PLCL1: variants seen among roughly 807,000 people sequenced by gnomAD.
The protein encoded by PLCL1 is phospholipase C like 1 (inactive), also known as inactive phospholipase C-like protein 1.
Under a neutral mutation model 84.4 loss-of-function variants are expected in PLCL1, and 41 were observed. That is an observed-to-expected ratio of 0.49 (90% confidence interval 0.38 to 0.63). The LOEUF is 0.63. PLCL1 is among the 30% of genes least tolerant of loss of function. The probability of loss-of-function intolerance (pLI) is 0.00; values close to 1 mark genes in which losing one functional copy is unlikely to be tolerated. For synonymous variants in PLCL1, 490 were observed against 488.3 expected, an observed-to-expected ratio of 1.00 and a Z score of -0.05; for missense variants, 1,206 against 1,367.8, an observed-to-expected ratio of 0.88 and a Z score of 1.87.
At chr2:197,951,362 C>G (rs889018235) in intron 1 of PLCL1, among the ~76,000 whole-genome samples, 2 of 152,090 alleles carry the variant, frequency 1.3e-5, no homozygotes, top group Non-Finnish European at 2.9e-5. Flanking sequence ...CTGCTCTTTC[C>G]CTGCTTCCAT....
At chr2:197,924,649 A>G (rs1011457163) in intron 1 of PLCL1, among the ~76,000 whole-genome samples, 1 of 151,932 alleles carries the variant, frequency 6.6e-6, no homozygotes, top group African/African-American at 2.4e-5. Flanking sequence ...CACAGGGTCG[A>G]GACCGGCTCC....
At chr2:198,129,183 A>G (rs1339592226) in intron 5 of PLCL1, among the ~76,000 whole-genome samples, 1 of 152,200 alleles carries the variant, frequency 6.6e-6, no homozygotes, top group Non-Finnish European at 1.5e-5. Flanking sequence ...TACCTCCTTT[A>G]GAGAAGCCCC....
intron 1 of PLCL1, among the ~76,000 whole-genome samples, chr2:197,915,951 C>T (rs1279074560): frequency 6.6e-6 from 1 of 152,164 alleles, no homozygotes; most frequent in African/African-American, 2.4e-5. Flanking sequence ...TAGCATCAGA[C>T]AATATACCAG....
intron 1 of PLCL1, among the ~76,000 whole-genome samples, chr2:198,036,022 G>C (rs1323276617): frequency 1.3e-5 from 2 of 152,188 alleles, no homozygotes; most frequent in African/African-American, 4.8e-5. Context: ...GGGCAACAGA[G>C]CCAGACTCTG....
chr2:198,031,757 T>A (rs1222163236), intron 1 of PLCL1, among the ~76,000 whole-genome samples: 1 of 151,834 alleles, frequency 6.6e-6, no homozygotes, highest in African/African-American at 2.4e-5. Flanking sequence ...CCCTATTGAG[T>A]TGGATGCTCT....
At chr2:197,900,808 T>G (rs758975738) in intron 1 of PLCL1, among the ~76,000 whole-genome samples, 13 of 152,196 alleles carry the variant, frequency 8.5e-5, no homozygotes, top group Non-Finnish European at 1.6e-4. Context: ...AGCAGTAAAA[T>G]CTAAGGGCTT....
chr2:197,836,601 T>A (rs1177444016), intron 1 of PLCL1, among the ~76,000 whole-genome samples: 1 of 152,218 alleles, frequency 6.6e-6, no homozygotes, highest in Non-Finnish European at 1.5e-5. Context: ...GTCTTCTGTA[T>A]TCCAGGAGTC....
intron 3 of PLCL1, among the ~76,000 whole-genome samples, chr2:198,098,060 G>A (rs3771361): frequency 0.6 from 91,056 of 152,012 alleles, 27,915 homozygotes; most frequent in East Asian, 0.81. Context: ...AGTTTAATAA[G>A]AGTCATCTTG....
At chr2:198,068,258 A>G (rs1269990544) in intron 1 of PLCL1, among the ~76,000 whole-genome samples, 1 of 152,240 alleles carries the variant, frequency 6.6e-6, no homozygotes, top group Non-Finnish European at 1.5e-5. Context: ...TCACTATACC[A>G]GTTCTACAGA....
chr2:197,884,551 A>G (rs748287964), intron 1 of PLCL1, among the ~76,000 whole-genome samples: 5 of 152,172 alleles, frequency 3.3e-5, no homozygotes, highest in Non-Finnish European at 5.9e-5. Context: ...GTCAGCCAGG[A>G]ATCTCAGACA....
At chr2:197,828,665 C>T (rs944982991) in intron 1 of PLCL1, among the ~76,000 whole-genome samples, 1 of 152,044 alleles carries the variant, frequency 6.6e-6, no homozygotes, top group South Asian at 2.1e-4. Context: ...CTTATGTGGG[C>T]AGAAACTTGA....
chr2:198,045,600 A>G (rs1434090582), intron 1 of PLCL1, among the ~76,000 whole-genome samples: 1 of 152,238 alleles, frequency 6.6e-6, no homozygotes, highest in Non-Finnish European at 1.5e-5. Context: ...TATATTTAAT[A>G]TAAGCACTTG....
chr2:197,931,468 A>T lies in PLCL1; in HGVS notation c.240+126129A>T, dbSNP rs1453169788. Among the ~76,000 whole-genome samples, 2 of 152,198 alleles carry T rather than the reference A, an allele frequency of 1.3e-5. 1 individual carries two copies. The highest frequency in any genetic ancestry group is 2.9e-5 in the Non-Finnish European group (2 of 68,044). On this transcript the variant is annotated intron_variant, in intron 1 of 5. Transcript: ENST00000428675. Reference sequence around the variant, plus strand: ...TCTACACCGGCTGATCTTCAATTAAATTATTCATTTCTGCATGCAAATTCC... The same window carrying T: ...TCTACACCGGCTGATCTTCAATTAATTTATTCATTTCTGCATGCAAATTCC...
At chr2:198,145,427 A>C (rs1694495929) in intron 5 of PLCL1, among the ~76,000 whole-genome samples, 1 of 152,190 alleles carries the variant, frequency 6.6e-6, no homozygotes, top group Admixed American at 6.5e-5. Flanking sequence ...CAAAGGCCTG[A>C]ACTTTAGTCC....
intron 1 of PLCL1, among the ~76,000 whole-genome samples, chr2:198,044,315 A>G (rs1445898983): frequency 6.6e-6 from 1 of 152,114 alleles, no homozygotes; most frequent in Non-Finnish European, 1.5e-5. Flanking sequence ...GGCTTCTCCT[A>G]GTGATTTCCA....
At chr2:197,937,730 T>G (rs1215941519) in intron 1 of PLCL1, among the ~76,000 whole-genome samples, 5 of 152,180 alleles carry the variant, frequency 3.3e-5, no homozygotes. Context: ...AAACATAAAC[T>G]ATACACAGCT....
intron 1 of PLCL1, among the ~76,000 whole-genome samples, chr2:198,071,201 A>T (rs1692457130): frequency 2.0e-5 from 3 of 151,796 alleles, no homozygotes; most frequent in African/African-American, 7.3e-5. Flanking sequence ...ATCCTGTTAC[A>T]TGTAATGTAC....
chr2:198,127,325 A>G (rs1443962629), intron 5 of PLCL1, among the ~76,000 whole-genome samples: 1 of 152,182 alleles, frequency 6.6e-6, no homozygotes, highest in Non-Finnish European at 1.5e-5. Flanking sequence ...TGAGAGCTTT[A>G]CATCATGTTA....
rs1489316290 is a variant in PLCL1, at chr2:197,805,322, CGCA to C, written c.230_232del (p.Ser77del). On this transcript the variant is annotated inframe_deletion, in exon 1 of 6. Transcript: ENST00000428675. The surrounding 1 kb of genome is among the most constrained non-coding windows in gnomAD (Gnocchi z 4.0). The stretch of plus-strand genomic sequence containing the variant: ...GGAGGCAGCACGGGCGACCCCCCGG[CGCA>C]GCAGCATCATCAAGGTAAGCAAAGC... 1 of 1,315,292 alleles carries C rather than the reference CGCA, an allele frequency of 7.6e-7. No homozygotes were observed. The highest frequency in any genetic ancestry group is 2.2e-5 in the South Asian group (1 of 44,716). 81.5% of individuals were successfully genotyped at this position (1,315,292 alleles called of 1,614,324 possible).
Sources: gnomAD v4.1 joint callset for allele counts (sites outside exome capture counted in the v4.1 genomes callset) on GRCh38, gnomAD v4.1.1 for gene constraint, Gnocchi (gnomAD v3.1) non-coding constraint, MANE v1.5 for transcripts, NCBI Gene and HGNC (gene_info 2026-07-23, HGNC 2026-07-21) for gene names.